The following DOCK7 variants were observed in gnomAD, a reference collection of about 807,000 sequenced individuals.
The protein encoded by DOCK7 is dedicator of cytokinesis 7.
DOCK7 carries 138 observed loss-of-function variants against 271.0 expected under a neutral mutation model. That is an observed-to-expected ratio of 0.51 (90% CI 0.44 to 0.59). DOCK7 has a LOEUF of 0.59. Ranked by LOEUF, DOCK7 falls within the 20% of genes least tolerant of loss-of-function variation. DOCK7 has a pLI of 0.00. For synonymous variants in DOCK7, 823 were observed against 876.1 expected (o/e 0.94, Z 1.07); for missense variants, 2,066 against 2,592.4 (o/e 0.80, Z 4.41).
At chr1:62,490,539 T>A (rs1646434648) in intron 41 of DOCK7, among the ~76,000 whole-genome samples, 1 of 152,158 alleles carries the variant, frequency 6.6e-6, no homozygotes, top group African/African-American at 2.4e-5. Context: ...AATTTCCCAG[T>A]AAGTTCGTAG....
At chr1:62,477,629 G>T in intron 44 of DOCK7, 71 bp downstream of exon 44, 1 of 1,445,988 alleles carries the variant, frequency 6.9e-7, no homozygotes, top group Non-Finnish European at 9.2e-7. Flanking sequence ...ATTAGATCTG[G>T]ATCTGAAAGT....
chr1:62,503,998 G>T (rs2149319294), intron 37 of DOCK7, among the ~76,000 whole-genome samples: 1 of 149,210 alleles, frequency 6.7e-6, no homozygotes, highest in Admixed American at 6.7e-5. Flanking sequence ...AGTGAGCCAA[G>T]ATCACGCCAC....
intron 1 of DOCK7, among the ~76,000 whole-genome samples, chr1:62,673,087 G>A (rs936706863): frequency 7.2e-5 from 11 of 152,020 alleles, no homozygotes; most frequent in Admixed American, 4.6e-4. Context: ...AAGTTAGCCC[G>A]TGTTAAAATG....
chr1:62,625,188 A>C, intron 12 of DOCK7, 71 bp downstream of exon 12: 1 of 1,527,086 alleles, frequency 6.5e-7, no homozygotes. Flanking sequence ...TAGTACAATC[A>C]CTACCTTTCT....
intron 6 of DOCK7, 57 bp from the exon 7 acceptor site, chr1:62,647,833 T>A: frequency 7.7e-7 from 1 of 1,303,046 alleles, no homozygotes; most frequent in Admixed American, 2.0e-5. Context: ...CAACTCTTTA[T>A]CTTTTTCAGA....
At chr1:62,481,334 A>C (rs1362759191) in intron 43 of DOCK7, 1 of 152,210 alleles carries the variant, frequency 6.6e-6, no homozygotes, top group African/African-American at 2.4e-5. Context: ...GGAGTGGAGG[A>C]GAGAGCATCA....
intron 27 of DOCK7, among the ~76,000 whole-genome samples, chr1:62,538,687 A>G (rs949547806): frequency 6.6e-6 from 1 of 152,238 alleles, no homozygotes; most frequent in Non-Finnish European, 1.5e-5. Flanking sequence ...CTTTTCTATT[A>G]GAAGAAATAA....
intron 33 of DOCK7, among the ~76,000 whole-genome samples, chr1:62,512,214 T>G (rs1644508358): frequency 6.6e-6 from 1 of 152,214 alleles, no homozygotes; most frequent in African/African-American, 2.4e-5. Context: ...ACACTTACAT[T>G]CATATTTTAA....
chr1:62,628,692 A>G (rs1654244574), intron 11 of DOCK7: 1 of 152,188 alleles, frequency 6.6e-6, no homozygotes, highest in Admixed American at 6.5e-5. Flanking sequence ...AAATAGAAAA[A>G]TGTAACTTCC....
intron 2 of DOCK7, among the ~76,000 whole-genome samples, chr1:62,656,327 A>T (rs1280700072): frequency 1.3e-5 from 2 of 152,200 alleles, no homozygotes; most frequent in Non-Finnish European, 2.9e-5. Flanking sequence ...TAAAAGAAAA[A>T]TTTGATTCCT....
At chr1:62,467,846 A>G (rs1645721494) in intron 48 of DOCK7, among the ~76,000 whole-genome samples, 1 of 152,212 alleles carries the variant, frequency 6.6e-6, no homozygotes, top group Non-Finnish European at 1.5e-5. Flanking sequence ...CATAGAAGCA[A>G]AAATCTTTAA....
rs1317656175 is a variant in DOCK7, at chr1:62,494,409, C to T, written c.5083G>A (p.Ala1695Thr). The T allele has an allele frequency of 6.2e-7, 1 of 1,612,530 alleles. No homozygotes were observed. Among genetic ancestry groups the T allele is most frequent in the Admixed American group, 1.7e-5 (1 of 59,958 alleles). The change falls in exon 40 of 50, where the codon GCA (alanine) becomes ACA (threonine). Residue 1695 changes from alanine to threonine, a missense_variant. Transcript: ENST00000635253. ...TTGCTTCGTTCTGAGTGCTTGCCTG[C>T]CATGTTCTGCAACCAGGTCAATCGC... ...DLRLTWLQNM[A>T]GKHSERSNHA...
chr1:62,594,354 T>C (rs1648904104), intron 14 of DOCK7, among the ~76,000 whole-genome samples: 1 of 123,854 alleles, frequency 8.1e-6, no homozygotes, highest in Non-Finnish European at 1.6e-5. Context: ...AATAATGCTG[T>C]TCAAATTACT....
chr1:62,614,640 T>C (rs1652218506), intron 14 of DOCK7, among the ~76,000 whole-genome samples: 1 of 152,034 alleles, frequency 6.6e-6, no homozygotes, highest in African/African-American at 2.4e-5. Context: ...ACAACTTCTA[T>C]TGAGCATTTA....
intron 1 of DOCK7, among the ~76,000 whole-genome samples, chr1:62,683,670 C>T (rs1196545818): frequency 6.6e-6 from 1 of 152,160 alleles, no homozygotes; most frequent in Non-Finnish European, 1.5e-5. Context: ...CCAGGTAGCT[C>T]ATGCCTGTAA....
chr1:62,544,920 T>A (rs1375852663), intron 23 of DOCK7, 27 bp downstream of exon 23: 1 of 1,516,610 alleles, frequency 6.6e-7, no homozygotes, highest in Non-Finnish European at 8.9e-7. Context: ...CAGCAGCCAA[T>A]AAAGAAACCT....
At chr1:62,487,597 G>A (rs932169861) in intron 42 of DOCK7, 185 bp from the exon 43 acceptor site, 1 of 495,982 alleles carries the variant, frequency 2.0e-6, no homozygotes, top group Non-Finnish European at 3.5e-6. Flanking sequence ...AAAACCCAGT[G>A]GCTAAAATTT....
At chr1:62,608,276 T>C (rs1344260391) in intron 14 of DOCK7, 1 of 152,150 alleles carries the variant, frequency 6.6e-6, no homozygotes, top group East Asian at 1.9e-4. Flanking sequence ...TTCAAAAGTC[T>C]CTATCACCTG....
intron 14 of DOCK7, among the ~76,000 whole-genome samples, chr1:62,611,390 ACGGTTGAGC>A (rs1651767806): frequency 6.6e-6 from 1 of 152,210 alleles, no homozygotes; most frequent in Non-Finnish European, 1.5e-5. Flanking sequence ...CTTTATACTC[ACGGTTGAGC>A]GACCTCAAAT....
Sources: allele counts gnomAD v4.1 joint callset (sites outside exome capture counted in the v4.1 genomes callset), GRCh38; gene constraint gnomAD v4.1.1; transcripts MANE v1.5; gene names NCBI Gene and HGNC (gene_info 2026-07-23, HGNC 2026-07-21).